The following PITPNC1 variants were observed in gnomAD, a reference collection of about 807,000 sequenced individuals.
PITPNC1 encodes the protein phosphatidylinositol transfer protein cytoplasmic 1, also known as cytoplasmic phosphatidylinositol transfer protein 1.
Under a neutral mutation model 44.7 loss-of-function variants are expected in PITPNC1, and 18 were observed. The observed-to-expected ratio is 0.40, with a 90% CI of 0.28 to 0.60. The LOEUF is 0.60. PITPNC1 is among the 20% of genes least tolerant of loss of function. PITPNC1 has a pLI of 0.39. For synonymous variants in PITPNC1, 141 were observed against 149.6 expected (o/e 0.94, Z 0.42); for missense variants, 290 against 418.4 (o/e 0.69, Z 2.68).
chr17:67,677,431 A>C (rs1261942992), intron 8 of PITPNC1, among the ~76,000 whole-genome samples: 2 of 152,146 alleles, frequency 1.3e-5, no homozygotes, highest in African/African-American at 4.8e-5. Flanking sequence ...ACAGAATAAT[A>C]AAAAGGGTTT....
intron 8 of PITPNC1, among the ~76,000 whole-genome samples, chr17:67,679,808 G>A (rs991541699): frequency 1.3e-5 from 2 of 152,178 alleles, no homozygotes; most frequent in African/African-American, 2.4e-5. Context: ...TAACAACAAC[G>A]TATTTCAGGA....
intron 5 of PITPNC1, among the ~76,000 whole-genome samples, chr17:67,589,050 T>C (rs934522908): frequency 6.6e-6 from 1 of 152,184 alleles, no homozygotes; most frequent in African/African-American, 2.4e-5. Flanking sequence ...CATTTGCAGT[T>C]TGGAAGGATT....
At position 67,504,201 on chromosome 17, in the gene PITPNC1, C is replaced by A. The variant is rs191503839; in HGVS notation, c.49-28601C>A. ...CCAACATCTCCAGCCTTCCAGGAGT[C>A]TGTGGCATATCCTTCCCCAAAGGAG... is the stretch of plus-strand genomic sequence containing the variant. On this transcript the variant is annotated intron_variant, in intron 1 of 8. Coordinates refer to ENST00000581322, the MANE Select transcript of PITPNC1 (RefSeq NM_012417.4). 1.4e-4 allele frequency among the ~76,000 whole-genome samples: 21 copies of A among 152,288 alleles called. No homozygotes were observed. The East Asian group carries it at 3.9e-3, about 28-fold the overall frequency.
intron 1 of PITPNC1, among the ~76,000 whole-genome samples, chr17:67,503,449 G>A (rs973951372): frequency 6.6e-6 from 1 of 152,054 alleles, no homozygotes; most frequent in East Asian, 1.9e-4. Flanking sequence ...GGGGAGGGAG[G>A]GGGCATTGTT....
At chr17:67,494,227 GT>G (rs1241499417) in intron 1 of PITPNC1, among the ~76,000 whole-genome samples, 1 of 34,786 alleles carries the variant, frequency 2.9e-5, no homozygotes, top group Non-Finnish European at 5.6e-5. Context: ...TTGAGACGTA[GT>G]CTTGCTCTGT....
Position 67,377,908 on chromosome 17 carries a change from C to A in PITPNC1, c.-247C>A. 5.0e-6 allele frequency: 2 copies of A among 403,780 alleles called. No individual in the cohort carries two copies. The highest frequency in any genetic ancestry group is 4.6e-5 in the Admixed American group (1 of 21,590). 25.0% of individuals were successfully genotyped at this position (403,780 alleles called of 1,614,324 possible). ...CCCTGCCTCCCTGACTTTGCAACAC[C>A]GCGTTCCGGGAGGACCGGCCTCGGC... On this transcript the variant is annotated 5_prime_UTR_variant, in exon 1 of 9. Coordinates refer to ENST00000581322, the MANE Select transcript of PITPNC1 (RefSeq NM_012417.4).
intron 4 of PITPNC1, among the ~76,000 whole-genome samples, chr17:67,555,800 C>T (rs949196873): frequency 6.6e-6 from 1 of 151,936 alleles, no homozygotes; most frequent in Non-Finnish European, 1.5e-5. Context: ...GCTGAGATCA[C>T]ACCACTGCAC....
chr17:67,668,200 G>T (rs1390889444), intron 6 of PITPNC1, among the ~76,000 whole-genome samples: 2 of 151,866 alleles, frequency 1.3e-5, no homozygotes, highest in African/African-American at 4.8e-5. Context: ...ATAAAGTTTT[G>T]CTTGTTCTTG....
intron 1 of PITPNC1, among the ~76,000 whole-genome samples, chr17:67,385,488 T>TC (rs1447932889): frequency 2.1e-5 from 2 of 93,552 alleles, no homozygotes; most frequent in Admixed American, 1.1e-4. Flanking sequence ...CCCTCCCCCC[T>TC]CCCCTCCCCC....
intron 1 of PITPNC1, among the ~76,000 whole-genome samples, chr17:67,531,930 G>A (rs1598787867): frequency 6.6e-6 from 1 of 151,878 alleles, no homozygotes; most frequent in African/African-American, 2.4e-5. Flanking sequence ...CATCAAATTC[G>A]TTTTGCCACT....
intron 1 of PITPNC1, among the ~76,000 whole-genome samples, chr17:67,532,278 C>T (rs893064156): frequency 6.6e-5 from 10 of 152,274 alleles, no homozygotes; most frequent in African/African-American, 2.4e-4. Context: ...TTCTAATATC[C>T]AGCCACCTTT....
chr17:67,503,148 T>C (rs2040057584), intron 1 of PITPNC1, among the ~76,000 whole-genome samples: 1 of 152,130 alleles, frequency 6.6e-6, no homozygotes, highest in African/African-American at 2.4e-5. Context: ...ATTTGTTGTG[T>C]AGAGTTTTAG....
chr17:67,441,652 TA>T (rs1213593686), intron 1 of PITPNC1, among the ~76,000 whole-genome samples: 4 of 152,182 alleles, frequency 2.6e-5, no homozygotes, highest in African/African-American at 9.6e-5. Context: ...CGACGTCAAT[TA>T]TTCTTCTCCC....
intron 4 of PITPNC1, among the ~76,000 whole-genome samples, chr17:67,566,992 G>A (rs1300922406): frequency 2.6e-5 from 4 of 152,238 alleles, no homozygotes; most frequent in Admixed American, 1.3e-4. Context: ...AAATGGGGAT[G>A]TATGAGGGTT....
chr17:67,607,712 C>T (rs570151736), intron 5 of PITPNC1, among the ~76,000 whole-genome samples: 4 of 151,736 alleles, frequency 2.6e-5, no homozygotes, highest in African/African-American at 9.7e-5. Context: ...CATCATGACT[C>T]CTTAACTTTT....
intron 6 of PITPNC1, among the ~76,000 whole-genome samples, chr17:67,639,918 CAAATCACTCGGCTCCCTCA>C (rs1048792331): frequency 2.0e-5 from 3 of 152,140 alleles, no homozygotes; most frequent in African/African-American, 7.2e-5. Flanking sequence ...GAGCTTCATC[CAAATCACTCGGCTCCCTCA>C]AATGAAAAAT....
chr17:67,618,975 C>T (rs1462823881), intron 5 of PITPNC1, among the ~76,000 whole-genome samples: 4 of 151,996 alleles, frequency 2.6e-5, no homozygotes, highest in African/African-American at 9.7e-5. Flanking sequence ...CGAAGAATGG[C>T]GTGAACCCGG....
At chr17:67,425,203 G>GCACACACCCACACACA (rs2038739509) in intron 1 of PITPNC1, among the ~76,000 whole-genome samples, 1 of 98,780 alleles carries the variant, frequency 1.0e-5, no homozygotes, top group African/African-American at 4.2e-5. Context: ...GCACGCACAC[G>GCACACACCCACACACA]CACACACACA....
chr17:67,657,734 T>C (rs1050694844), intron 6 of PITPNC1, among the ~76,000 whole-genome samples: 4 of 152,238 alleles, frequency 2.6e-5, no homozygotes, highest in South Asian at 2.1e-4. Flanking sequence ...TATAATTCTA[T>C]ACTTTTGTCA....
Sources: gnomAD v4.1 joint callset for allele counts (sites outside exome capture counted in the v4.1 genomes callset) on GRCh38, gnomAD v4.1.1 for gene constraint, MANE v1.5 for transcripts, NCBI Gene and HGNC (gene_info 2026-07-23, HGNC 2026-07-21) for gene names.